Variants in FAXDC2 observed in about 807,000 individuals in gnomAD.
FAXDC2 encodes the protein fatty acid hydroxylase domain containing 2, also known as fatty acid hydroxylase domain-containing protein 2.
In FAXDC2, 41 loss-of-function variants were observed where a neutral mutation model predicts 40.9. The ratio of observed to expected loss-of-function variants is 1.00; its 90% CI spans 0.78 to 1.30. The LOEUF is 1.30. Ranked by LOEUF, FAXDC2 falls within the 50% of genes most tolerant of loss-of-function variation. The pLI is 0.00. For missense variants in FAXDC2, 390 were observed against 408.8 expected, an observed-to-expected ratio of 0.95 and a Z score of 0.40; for synonymous variants, 157 against 149.3, an observed-to-expected ratio of 1.05 and a Z score of -0.38.
intron 4 of FAXDC2, 77 bp downstream of exon 4, chr5:154,834,548 A>C: frequency 2.8e-6 from 3 of 1,083,462 alleles, no homozygotes; most frequent in Non-Finnish European, 4.2e-6. Flanking sequence ...GTCCCAAAGT[A>C]GAGAACAAAA....
intron 5 of FAXDC2, among the ~76,000 whole-genome samples, chr5:154,827,914 A>G (rs1582524569): frequency 6.7e-6 from 1 of 149,420 alleles, no homozygotes; most frequent in East Asian, 2.0e-4. Flanking sequence ...TAGTGGTATG[A>G]TCATAGCTCA....
At position 154,842,277 on chromosome 5, in the gene FAXDC2, A is replaced by G. The variant is rs113268669; in HGVS notation, c.1-4099T>C. Among the ~76,000 whole-genome samples, 1,920 of 152,064 alleles carry G rather than the reference A, an allele frequency of 0.013. 94 individuals are homozygous for G. In the East Asian group the frequency reaches 0.18, roughly 14 times the overall value. On this transcript the variant is annotated intron_variant, in intron 1 of 8. Coordinates refer to ENST00000326080, the MANE Select transcript of FAXDC2 (RefSeq NM_032385.5). ...TAGTGGCACAATCTCAGCTCACGGC[A>G]ACCTCCACCTCCTGGGTTCAAGCAA...
In FAXDC2 at chr5:154,823,434, C is replaced by T; in HGVS notation, c.525G>A (p.Leu175=). The change falls in exon 6 of 9, where the codon CTG becomes CTA. Residue 175 remains leucine, a synonymous_variant. Transcript: ENST00000326080. ...LPTFHWFLLE[L]AIFTLIEEVL... ...CTTCCTCGATCAGCGTGAAGATGGC[C>T]AGCTCCAGGAGGAACCAGTGGAAGG... 2 of 1,614,104 alleles carry T rather than the reference C, an allele frequency of 1.2e-6. No homozygotes were observed. The highest frequency in any genetic ancestry group is 1.7e-6 in the Non-Finnish European group (2 of 1,180,026).
chr5:154,849,902 G>A (rs947673180), intron 1 of FAXDC2, among the ~76,000 whole-genome samples: 1 of 152,158 alleles, frequency 6.6e-6, no homozygotes, highest in Non-Finnish European at 1.5e-5. Flanking sequence ...AGCCACTAAC[G>A]ATTTCACAAC....
chr5:154,843,209 C>T (rs1171350920), intron 1 of FAXDC2, among the ~76,000 whole-genome samples: 1 of 152,212 alleles, frequency 6.6e-6, no homozygotes, highest in African/African-American at 2.4e-5. Flanking sequence ...GCTTTTCAAG[C>T]TTACAGAGCT....
intron 5 of FAXDC2, among the ~76,000 whole-genome samples, chr5:154,827,245 C>T (rs185919236): frequency 8.4e-4 from 126 of 150,234 alleles, no homozygotes; most frequent in Non-Finnish European, 1.2e-3. Context: ...GTGGAGGTTA[C>T]GGTGAGCCAA....
At chr5:154,836,260 GA>G (rs1760345914) in intron 2 of FAXDC2, 1 of 152,246 alleles carries the variant, frequency 6.6e-6, no homozygotes, top group African/African-American at 2.4e-5. Context: ...CTCCCAGCTG[GA>G]CAAGACGACT....
intron 1 of FAXDC2, among the ~76,000 whole-genome samples, chr5:154,847,487 C>CTTTTTTTTTTTTTTTTTTTTT (rs557543082): frequency 7.6e-6 from 1 of 132,314 alleles, no homozygotes; most frequent in Admixed American, 8.0e-5. Context: ...TTCTTTCTTT[C>CTTTTTTTTTTTTTTTTTTTTT]TTTTTTTTTT....
rs17641488 is a variant in FAXDC2, at chr5:154,823,561, C to T, written c.398G>A (p.Arg133His). The T allele has an allele frequency of 0.08, 129,188 of 1,613,694 alleles. 5,679 individuals carry two copies. The highest frequency in any genetic ancestry group is 0.09 in the Non-Finnish European group (105,942 of 1,179,662). ...VDPVKLRQSI[R>H]TVLFNQCMIS... ...CATGCACTGGTTGAAAAGAACTGTG[C>T]GGATAGACTGGCGCAGTTTCACAGG... Residue 133 changes from arginine (R) to histidine (H), a missense_variant, in exon 6 of 9, where the codon CGC (arginine) becomes CAC (histidine). Coordinates refer to ENST00000326080, the MANE Select transcript of FAXDC2 (RefSeq NM_032385.5).
chr5:154,830,299 C>T (rs116324382), intron 5 of FAXDC2: 1,841 of 153,710 alleles, frequency 0.012, 38 homozygotes, highest in African/African-American at 0.042. Context: ...TGGTGCCTTT[C>T]ACTATTGGTC....
chr5:154,827,561 T>G (rs1440521872), intron 5 of FAXDC2, among the ~76,000 whole-genome samples: 4 of 151,646 alleles, frequency 2.6e-5, no homozygotes, highest in Non-Finnish European at 5.9e-5. Context: ...TTCGCCAGCC[T>G]GTTGTGAGAG....
chr5:154,831,428 T>C (rs924644021), intron 4 of FAXDC2: 1 of 152,012 alleles, frequency 6.6e-6, no homozygotes, highest in Admixed American at 6.6e-5. Context: ...GGAAAACTCA[T>C]CGTTGTTTTT....
chr5:154,840,742 T>C (rs906472921), intron 1 of FAXDC2, among the ~76,000 whole-genome samples: 7 of 152,026 alleles, frequency 4.6e-5, no homozygotes, highest in African/African-American at 1.7e-4. Flanking sequence ...GTAGAGACAG[T>C]GTCTTACTAC....
At chr5:154,830,710 A>G (rs780391607) in intron 5 of FAXDC2, 91 bp downstream of exon 5, 70 of 1,469,782 alleles carry the variant, frequency 4.8e-5, no homozygotes, top group Non-Finnish European at 6.1e-5. Flanking sequence ...CACACTGGCC[A>G]GGTCTCTCCT....
intron 5 of FAXDC2, chr5:154,824,358 T>C (rs1175442476): frequency 1.6e-6 from 1 of 632,498 alleles, no homozygotes; most frequent in African/African-American, 1.8e-5. Flanking sequence ...CCTGATGAAC[T>C]TGTTTGGTTA....
intron 5 of FAXDC2, chr5:154,824,693 G>A (rs888517654): frequency 6.6e-6 from 4 of 606,536 alleles, no homozygotes; most frequent in African/African-American, 5.5e-5. Context: ...AGCACTCAGT[G>A]TACTGGGTGT....
At chr5:154,842,241 A>G (rs934444769) in intron 1 of FAXDC2, among the ~76,000 whole-genome samples, 1 of 151,938 alleles carries the variant, frequency 6.6e-6, no homozygotes, top group Admixed American at 6.6e-5. Context: ...TCTGTCACCT[A>G]GGCTGGAGCG....
At chr5:154,834,561 A>G (rs1760270432) in intron 4 of FAXDC2, 64 bp downstream of exon 4, 3 of 1,196,526 alleles carry the variant, frequency 2.5e-6, no homozygotes, top group Non-Finnish European at 3.7e-6. Flanking sequence ...GAACAAAACA[A>G]CAAAAAGAAT....
At chr5:154,843,037 A>T (rs1316826769) in intron 1 of FAXDC2, among the ~76,000 whole-genome samples, 1 of 152,208 alleles carries the variant, frequency 6.6e-6, no homozygotes, top group Non-Finnish European at 1.5e-5. Flanking sequence ...TACTTGGGAG[A>T]TCTAAATGTC....
Sources: allele counts gnomAD v4.1 joint callset (sites outside exome capture counted in the v4.1 genomes callset), GRCh38; gene constraint gnomAD v4.1.1; transcripts MANE v1.5; gene names NCBI Gene and HGNC (gene_info 2026-07-23, HGNC 2026-07-21).